The following PDE1A variants were observed in gnomAD, a reference collection of about 807,000 sequenced individuals.
The protein encoded by PDE1A is phosphodiesterase 1A.
PDE1A carries 35 observed loss-of-function variants against 61.7 expected under a neutral mutation model. The ratio of observed to expected loss-of-function variants is 0.57; its 90% confidence interval spans 0.43 to 0.75. The LOEUF is 0.75. Among genes scored for constraint, PDE1A ranks in the 30% least tolerant of loss-of-function variants. The pLI, the probability that PDE1A is intolerant of heterozygous loss-of-function variation, is 0.00. For synonymous variants in PDE1A, 232 were observed against 213.2 expected, an observed-to-expected ratio of 1.09 and a Z score of -0.77; for missense variants, 597 against 630.6, an observed-to-expected ratio of 0.95 and a Z score of 0.57.
Position 182,502,313 on chromosome 2 carries a change from C to CGTGT in PDE1A, c.101+19959_101+19962dup, listed in dbSNP as rs35441240. ...CCCTTACTGCTCACCTACTCTCTTT[C>CGTGT]GTGTGTGTGTGTGTGTGTGTTTGTG... On this transcript the variant is annotated intron_variant, in intron 2 of 14. Coordinates refer to the PDE1A transcript ENST00000410103. Among the ~76,000 whole-genome samples, 261 of 150,312 alleles carry CGTGT rather than the reference C, an allele frequency of 1.7e-3. 2 individuals carry two copies. Among genetic ancestry groups the CGTGT allele is most frequent in the Middle Eastern group, 3.4e-3 (1 of 294 alleles).
the PDE1A span, among the ~76,000 whole-genome samples, chr2:182,574,744 T>C: frequency 6.6e-6 from 1 of 152,146 alleles, no homozygotes; most frequent in African/African-American, 2.4e-5. Flanking sequence ...TAGGCTGGAG[T>C]GCATTGGCAC....
the PDE1A span, among the ~76,000 whole-genome samples, chr2:182,619,514 C>A: frequency 1.1e-4 from 16 of 152,024 alleles, no homozygotes; most frequent in African/African-American, 3.6e-4. Flanking sequence ...GAGCCACTCA[C>A]GGAGTGAGTG....
chr2:182,438,692 A>C (rs1684598155), intron 2 of PDE1A, among the ~76,000 whole-genome samples: 1 of 151,982 alleles, frequency 6.6e-6, no homozygotes, highest in Non-Finnish European at 1.5e-5. Context: ...GTATCCTGGC[A>C]CGACTTAAAG....
the PDE1A span, among the ~76,000 whole-genome samples, chr2:182,702,500 G>A: frequency 6.6e-6 from 1 of 152,128 alleles, no homozygotes; most frequent in African/African-American, 2.4e-5. Context: ...CCTTAGGAGT[G>A]GGCATTCTAG....
At chr2:182,642,971 C>A in the PDE1A span, among the ~76,000 whole-genome samples, 1 of 152,294 alleles carries the variant, frequency 6.6e-6, no homozygotes, top group Non-Finnish European at 1.5e-5. Context: ...CAGGGACAGG[C>A]ATGTGCCCAA....
chr2:182,613,021 A>C, the PDE1A span, among the ~76,000 whole-genome samples: 1 of 152,234 alleles, frequency 6.6e-6, no homozygotes, highest in Non-Finnish European at 1.5e-5. Flanking sequence ...TAAATGCACA[A>C]CTTTGTAGTT....
At chr2:182,704,565 T>C in the PDE1A span, among the ~76,000 whole-genome samples, 1 of 152,236 alleles carries the variant, frequency 6.6e-6, no homozygotes, top group African/African-American at 2.4e-5. Flanking sequence ...ATATTTACCA[T>C]ATTAGAAATT....
chr2:182,384,121 G>A (rs374665709), intron 1 of PDE1A, among the ~76,000 whole-genome samples: 1 of 152,206 alleles, frequency 6.6e-6, no homozygotes, highest in Admixed American at 6.5e-5. Context: ...GCAGCCCTCA[G>A]TGGCTCTGAG....
the PDE1A span, among the ~76,000 whole-genome samples, chr2:182,681,112 T>C: frequency 1.3e-5 from 2 of 151,756 alleles, no homozygotes; most frequent in African/African-American, 2.4e-5. Flanking sequence ...CAATCTGGTC[T>C]GGAGTCAAGT....
the PDE1A span, among the ~76,000 whole-genome samples, chr2:182,702,257 C>T: frequency 1.3e-5 from 2 of 152,154 alleles, no homozygotes; most frequent in Admixed American, 1.3e-4. Flanking sequence ...GCATGTACCA[C>T]CACACCTGGC....
chr2:182,424,011 T>G (rs1231265396), intron 1 of PDE1A, among the ~76,000 whole-genome samples: 2 of 150,976 alleles, frequency 1.3e-5, no homozygotes, highest in African/African-American at 4.9e-5. Context: ...GTGGCGCAAT[T>G]TCAGCTCACT....
chr2:182,574,761 G>T, the PDE1A span, among the ~76,000 whole-genome samples: 1 of 152,018 alleles, frequency 6.6e-6, no homozygotes, highest in African/African-American at 2.4e-5. Context: ...GCACAACCTC[G>T]GCTCACTGTA....
chr2:182,714,993 TTCC>T, the PDE1A span, among the ~76,000 whole-genome samples: 5 of 152,206 alleles, frequency 3.3e-5, no homozygotes, highest in African/African-American at 1.2e-4. Flanking sequence ...TTTTAAAAGC[TTCC>T]TCATCACCTA....
At chr2:182,609,220 G>A in the PDE1A span, among the ~76,000 whole-genome samples, 9 of 152,134 alleles carry the variant, frequency 5.9e-5, no homozygotes, top group Non-Finnish European at 1.0e-4. Context: ...TCTAGCCCAG[G>A]GATTGTAAAG....
intron 2 of PDE1A, among the ~76,000 whole-genome samples, chr2:182,260,179 A>G (rs1447502372): frequency 6.6e-6 from 1 of 152,218 alleles, no homozygotes; most frequent in Non-Finnish European, 1.5e-5. Context: ...GTTTTAAACC[A>G]ATTAATAATT....
chr2:182,687,814 C>A, the PDE1A span, among the ~76,000 whole-genome samples: 1 of 152,236 alleles, frequency 6.6e-6, no homozygotes, highest in South Asian at 2.1e-4. Context: ...CTAGAACAAC[C>A]AATGCAGAGA....
chr2:182,200,425 G>C (rs1686520252), intron 10 of PDE1A, among the ~76,000 whole-genome samples: 1 of 152,182 alleles, frequency 6.6e-6, no homozygotes, highest in Admixed American at 6.5e-5. Context: ...CCATGCCTAT[G>C]TAATGAAACC....
intron 2 of PDE1A, among the ~76,000 whole-genome samples, chr2:182,434,621 A>C (rs554593362): frequency 2.3e-4 from 35 of 152,020 alleles, no homozygotes; most frequent in South Asian, 6.2e-4. Flanking sequence ...AAAAGTCCCC[A>C]CCTCTACTAC....
chr2:182,617,773 T>C, the PDE1A span, among the ~76,000 whole-genome samples: 1 of 152,202 alleles, frequency 6.6e-6, no homozygotes, highest in Non-Finnish European at 1.5e-5. Context: ...TCTTTACTCA[T>C]CTTCATCATC....
Sources: allele counts gnomAD v4.1 joint callset (sites outside exome capture counted in the v4.1 genomes callset), GRCh38; gene constraint gnomAD v4.1.1; transcripts MANE v1.5; gene names NCBI Gene and HGNC (gene_info 2026-07-23, HGNC 2026-07-21).